The following ADAMTS12 variants were observed in gnomAD, a reference collection of about 807,000 sequenced individuals.
ADAMTS12 encodes A disintegrin and metalloproteinase with thrombospondin motifs 12.
ADAMTS12 carries 118 observed loss-of-function variants against 167.8 expected under a neutral mutation model. The observed-to-expected ratio is 0.70, with a 90% CI of 0.61 to 0.82. The LOEUF (loss-of-function observed/expected upper bound fraction) is 0.82, where lower values mean the gene tolerates loss of function less well. Among genes scored for constraint, ADAMTS12 ranks in the 40% least tolerant of loss-of-function variants. ADAMTS12 has a pLI of 0.00. For synonymous variants in ADAMTS12, 704 were observed against 716.9 expected (o/e 0.98, Z 0.29); for missense variants, 1,916 against 1,998.8 (o/e 0.96, Z 0.79).
rs11422128 is a variant in ADAMTS12 at position 33,823,653 on chromosome 5, C to CTT, written c.489+57464_489+57465dup. Among the ~76,000 whole-genome samples the CTT allele has an allele frequency of 7.4e-4, 108 of 146,892 alleles. 1 individual carries two copies. Among genetic ancestry groups the CTT allele is most frequent in the South Asian group, 3.7e-3 (17 of 4,622 alleles). On this transcript the variant is annotated intron_variant, in intron 2 of 23. Transcript: ENST00000504830. ...AGCCTATTGCTATAACATTTTCTGCCTTTTTTTTTTTTAAGAAGAAGAAAC... is the reference window on the plus strand; with the variant it reads ...AGCCTATTGCTATAACATTTTCTGCCTTTTTTTTTTTTTTAAGAAGAAGAAAC...
At chr5:33,877,809 T>A (rs1051482099) in intron 2 of ADAMTS12, among the ~76,000 whole-genome samples, 1 of 152,114 alleles carries the variant, frequency 6.6e-6, no homozygotes, top group Non-Finnish European at 1.5e-5. Context: ...TTTGAAATCA[T>A]CTGAGTCTGC....
At chr5:33,809,378 T>C (rs1747361032) in intron 2 of ADAMTS12, among the ~76,000 whole-genome samples, 1 of 152,208 alleles carries the variant, frequency 6.6e-6, no homozygotes, top group Non-Finnish European at 1.5e-5. Context: ...TTTGAAGATA[T>C]TTTCTTGTCT....
chr5:33,583,572 G>A (rs966956088), intron 18 of ADAMTS12, among the ~76,000 whole-genome samples: 4 of 152,176 alleles, frequency 2.6e-5, no homozygotes, highest in Non-Finnish European at 5.9e-5. Context: ...CCTCCAAACT[G>A]CTCTCCACAG....
intron 2 of ADAMTS12, among the ~76,000 whole-genome samples, chr5:33,859,799 C>A (rs1224421242): frequency 6.6e-6 from 1 of 152,174 alleles, no homozygotes; most frequent in African/African-American, 2.4e-5. Context: ...TGGGACAAAG[C>A]TTCCAGAGGA....
chr5:33,803,055 C>A (rs991806704), intron 2 of ADAMTS12, among the ~76,000 whole-genome samples: 1 of 152,148 alleles, frequency 6.6e-6, no homozygotes, highest in Non-Finnish European at 1.5e-5. Flanking sequence ...GTCCAGGGAA[C>A]AGCAAGGCAC....
At chr5:33,859,510 C>T (rs1248307561) in intron 2 of ADAMTS12, among the ~76,000 whole-genome samples, 5 of 152,242 alleles carry the variant, frequency 3.3e-5, no homozygotes, top group African/African-American at 9.6e-5. Context: ...CAGCTCCAGT[C>T]AGGGGCTTAT....
At chr5:33,529,164 C>T (rs746191689) in intron 23 of ADAMTS12, among the ~76,000 whole-genome samples, 5 of 152,190 alleles carry the variant, frequency 3.3e-5, no homozygotes, top group African/African-American at 4.8e-5. Flanking sequence ...AAGATATGTA[C>T]AAATAATTCC....
At chr5:33,870,288 A>C (rs111626314) in intron 2 of ADAMTS12, among the ~76,000 whole-genome samples, 10,244 of 152,238 alleles carry the variant, frequency 0.067, 811 homozygotes, top group East Asian at 0.2. Flanking sequence ...AAAGTAAAGA[A>C]AGGCATAGGA....
At chr5:33,757,498 C>T (rs185491411) in intron 2 of ADAMTS12, among the ~76,000 whole-genome samples, 87 of 152,264 alleles carry the variant, frequency 5.7e-4, no homozygotes, top group African/African-American at 2.0e-3. Flanking sequence ...GAGTTGTACC[C>T]TGAGAGCCCT....
intron 3 of ADAMTS12, among the ~76,000 whole-genome samples, chr5:33,697,568 CT>C (rs1184572576): frequency 3.9e-5 from 2 of 51,086 alleles, no homozygotes; most frequent in African/African-American, 1.5e-4. Flanking sequence ...TCCTTTTTCC[CT>C]TTTTCTCCTT....
At chr5:33,631,610 A>G (rs1561182527) in intron 12 of ADAMTS12, among the ~76,000 whole-genome samples, 1 of 152,212 alleles carries the variant, frequency 6.6e-6, no homozygotes, top group South Asian at 2.1e-4. Context: ...AGAGCACAGG[A>G]ACATTTACAT....
At chr5:33,649,114 C>T (rs559206415) in intron 8 of ADAMTS12, 148 bp from the exon 9 acceptor site, 19 of 888,520 alleles carry the variant, frequency 2.1e-5, no homozygotes, top group Non-Finnish European at 2.7e-5. Flanking sequence ...CTAGGCCCAT[C>T]ATGGGAGTTA....
At position 33,781,641 on chromosome 5, in the gene ADAMTS12, A is replaced by T. The variant is rs112711666; in HGVS notation, c.490-30093T>A. On this transcript the variant is annotated intron_variant, in intron 2 of 23. Coordinates refer to ENST00000504830, the MANE Select transcript of ADAMTS12 (RefSeq NM_030955.4). The stretch of plus-strand genomic sequence containing the variant: ...CTATAATTGAAAGGTCAACCAGTAA[A>T]TTTATCCTGCCTGCCCTTGCATTCT... Among the ~76,000 whole-genome samples the T allele has an allele frequency of 2.6e-3, 402 of 152,272 alleles. 1 individual carries two copies. The highest frequency in any genetic ancestry group is 9.4e-3 in the African/African-American group (392 of 41,548).
chr5:33,557,581 G>A (rs951133010), intron 20 of ADAMTS12, among the ~76,000 whole-genome samples: 4 of 152,114 alleles, frequency 2.6e-5, no homozygotes, highest in Non-Finnish European at 5.9e-5. Flanking sequence ...AGTGAGCTGT[G>A]AGTGGGCCAC....
intron 2 of ADAMTS12, among the ~76,000 whole-genome samples, chr5:33,854,063 C>T (rs1749316968): frequency 6.6e-6 from 1 of 152,190 alleles, no homozygotes; most frequent in Non-Finnish European, 1.5e-5. Flanking sequence ...TGTCAAGCCT[C>T]CACATGGGTT....
At chr5:33,687,902 G>T (rs1742394131) in intron 3 of ADAMTS12, among the ~76,000 whole-genome samples, 1 of 152,138 alleles carries the variant, frequency 6.6e-6, no homozygotes, top group Non-Finnish European at 1.5e-5. Flanking sequence ...ATTCTGGGAA[G>T]CTCCCCTCAC....
At position 33,733,474 on chromosome 5, in the gene ADAMTS12, C is replaced by T. The variant is rs112953907; in HGVS notation, c.634+17930G>A. Among the ~76,000 whole-genome samples the T allele has an allele frequency of 5.6e-3, 845 of 152,220 alleles. 5 individuals carry two copies. The highest frequency in any genetic ancestry group is 0.018 in the African/African-American group (744 of 41,544). ...ACAGCCTCTAATCATAAGACAGCCA[C>T]GAATCTTAAGTAAGAGACATTGTTA... is the stretch of plus-strand genomic sequence containing the variant. On this transcript the variant is annotated intron_variant, in intron 3 of 23. Coordinates refer to ENST00000504830, the MANE Select transcript of ADAMTS12 (RefSeq NM_030955.4).
intron 13 of ADAMTS12, among the ~76,000 whole-genome samples, chr5:33,626,984 G>A (rs928225569): frequency 6.7e-6 from 1 of 149,724 alleles, no homozygotes; most frequent in African/African-American, 2.5e-5. Context: ...TGGTAATGAT[G>A]ATTTGATGGT....
intron 2 of ADAMTS12, among the ~76,000 whole-genome samples, chr5:33,761,914 C>T (rs1248221735): frequency 2.0e-5 from 3 of 152,186 alleles, no homozygotes; most frequent in South Asian, 4.1e-4. Context: ...ACAAGGGGGC[C>T]GGGCATGGTG....
Sources: gnomAD v4.1 joint callset for allele counts (sites outside exome capture counted in the v4.1 genomes callset) on GRCh38, gnomAD v4.1.1 for gene constraint, MANE v1.5 for transcripts, NCBI Gene and HGNC (gene_info 2026-07-23, HGNC 2026-07-21) for gene names.